SLC22A23: variants seen among roughly 807,000 people sequenced by gnomAD.
The protein encoded by SLC22A23 is solute carrier family 22 member 23.
A neutral mutation model predicts 61.0 loss-of-function variants in SLC22A23; 26 were observed. The observed-to-expected ratio is 0.43, with a 90% CI of 0.31 to 0.59. The LOEUF (loss-of-function observed/expected upper bound fraction) is 0.59, where lower values mean the gene tolerates loss of function less well. SLC22A23 is among the 20% of genes least tolerant of loss of function. The probability of loss-of-function intolerance (pLI) is 0.11; values close to 1 mark genes in which losing one functional copy is unlikely to be tolerated. For synonymous variants in SLC22A23, 430 were observed against 413.9 expected, an observed-to-expected ratio of 1.04 and a Z score of -0.47; for missense variants, 796 against 934.7, an observed-to-expected ratio of 0.85 and a Z score of 1.94.
At chr6:3,431,610 C>T (rs190987921) in intron 1 of SLC22A23, among the ~76,000 whole-genome samples, 1 of 152,252 alleles carries the variant, frequency 6.6e-6, no homozygotes, top group African/African-American at 2.4e-5. Flanking sequence ...AAATTAGCTG[C>T]CCAGATATTT....
intron 4 of SLC22A23, among the ~76,000 whole-genome samples, chr6:3,314,342 T>C (rs549441950): frequency 1.3e-5 from 2 of 152,328 alleles, no homozygotes; most frequent in East Asian, 1.9e-4. Context: ...ATGACTGGGC[T>C]GAGCAGGAGG....
chr6:3,428,376 A>G (rs1770643577), intron 1 of SLC22A23, among the ~76,000 whole-genome samples: 1 of 152,166 alleles, frequency 6.6e-6, no homozygotes, highest in Non-Finnish European at 1.5e-5. Flanking sequence ...AGTTGGAATT[A>G]CAGGACTTGG....
intron 2 of SLC22A23, among the ~76,000 whole-genome samples, chr6:3,415,108 C>T (rs998875942): frequency 3.3e-5 from 5 of 152,226 alleles, no homozygotes; most frequent in Admixed American, 2.6e-4. Context: ...AACTACTTAG[C>T]ACAGTGCCTG....
intron 9 of SLC22A23, 96 bp from the exon 10 acceptor site, chr6:3,273,508 G>C: frequency 7.6e-7 from 1 of 1,317,018 alleles, no homozygotes; most frequent in Non-Finnish European, 1.1e-6. Context: ...CTCTGCAGGG[G>C]CCCTGCTGCC....
intron 5 of SLC22A23, among the ~76,000 whole-genome samples, chr6:3,293,777 T>A (rs2127345430): frequency 6.6e-6 from 1 of 152,322 alleles, no homozygotes. Flanking sequence ...ATATCCACCC[T>A]CTCGTCATCT....
rs568016267 is a variant in SLC22A23, at chr6:3,280,427, G to A, written c.1703+3425C>T. On this transcript the variant is annotated intron_variant, in intron 9 of 9. Transcript: ENST00000406686. ...GCCACAGGCGCTGCCGGCATGGGAC[G>A]CATGCTGGCTTCCTGTCTGCTACTC... 2.0e-4 allele frequency among the ~76,000 whole-genome samples: 30 copies of A among 150,982 alleles called. No individual in the cohort carries two copies. The South Asian group carries it at 3.5e-3, about 18-fold the overall frequency.
At chr6:3,400,916 CA>C (rs910320078) in intron 3 of SLC22A23, among the ~76,000 whole-genome samples, 9 of 152,184 alleles carry the variant, frequency 5.9e-5, no homozygotes, top group Non-Finnish European at 1.0e-4. Flanking sequence ...TGACTTTAAG[CA>C]AAAATAGGCA....
At chr6:3,341,121 C>T (rs1308352776) in intron 3 of SLC22A23, among the ~76,000 whole-genome samples, 1 of 152,170 alleles carries the variant, frequency 6.6e-6, no homozygotes, top group African/African-American at 2.4e-5. Context: ...TATAGAGAAA[C>T]AATCCTCACA....
chr6:3,354,544 C>T lies in SLC22A23; in HGVS notation c.914-30542G>A, dbSNP rs141857291. ...CAAAGGCAAGGCAATGTCTTTCCAT[C>T]CTCAAGAGACCCAGCATCCAGCAGG... On this transcript the variant is annotated intron_variant, in intron 3 of 9. Coordinates refer to ENST00000406686, the MANE Select transcript of SLC22A23 (RefSeq NM_015482.2). Among the ~76,000 whole-genome samples, 451 of 152,318 alleles carry T rather than the reference C, an allele frequency of 3.0e-3. 7 individuals carry two copies. Among genetic ancestry groups the T allele is most frequent in the South Asian group, 8.7e-3 (42 of 4,830 alleles).
Position 3,339,176 on chromosome 6 carries a change from G to A in SLC22A23, c.914-15174C>T, listed in dbSNP as rs368034915. 3.3e-4 allele frequency among the ~76,000 whole-genome samples: 50 copies of A among 152,150 alleles called. 1 individual carries two copies. Among genetic ancestry groups the A allele is most frequent in the South Asian group, 1.7e-3 (8 of 4,830 alleles). ...TCAGCCTCCTACCAATCAGGATTTC[G>A]TATCCTTTAAAACTCCTCTTCCAAC... On this transcript the variant is annotated intron_variant, in intron 3 of 9. Transcript: ENST00000406686.
intron 9 of SLC22A23, among the ~76,000 whole-genome samples, chr6:3,277,725 C>T (rs777516732): frequency 6.6e-5 from 10 of 152,262 alleles, no homozygotes; most frequent in Non-Finnish European, 1.3e-4. Flanking sequence ...TGGGCATCTA[C>T]TCAGTGCTAT....
chr6:3,350,213 T>G (rs1447154838), intron 3 of SLC22A23, among the ~76,000 whole-genome samples: 1 of 152,180 alleles, frequency 6.6e-6, no homozygotes, highest in Non-Finnish European at 1.5e-5. Flanking sequence ...ACCCGATGGA[T>G]TCTATAACCC....
intron 4 of SLC22A23, among the ~76,000 whole-genome samples, chr6:3,298,698 C>T (rs567427294): frequency 5.3e-5 from 8 of 152,130 alleles, no homozygotes; most frequent in African/African-American, 2.4e-5. Context: ...CCCGGCCGGG[C>T]GCGGTGGCTC....
At chr6:3,439,719 A>C (rs1292204498) in intron 1 of SLC22A23, among the ~76,000 whole-genome samples, 1 of 152,134 alleles carries the variant, frequency 6.6e-6, no homozygotes, top group Non-Finnish European at 1.5e-5. Flanking sequence ...CCATGCAGGA[A>C]GTGTTTACAG....
rs189601777 is a variant in SLC22A23 at position 3,419,029 on chromosome 6, T to C, written c.655-3174A>G. 9.0e-4 allele frequency among the ~76,000 whole-genome samples: 137 copies of C among 152,348 alleles called. 1 individual carries two copies. The highest frequency in any genetic ancestry group is 3.2e-3 in the African/African-American group (134 of 41,580). On this transcript the variant is annotated intron_variant, in intron 1 of 9. Transcript: ENST00000406686. ...ACCTGGCTCTTGAAATTTGTTCACA[T>C]TGCTCTAGATAAGATATGGCAACTG...
rs2127272911 is a variant in SLC22A23 at position 3,270,566 on chromosome 6, G to A, written c.*2489C>T. On this transcript the variant is annotated 3_prime_UTR_variant, in exon 10 of 10. Transcript: ENST00000406686. ...TGTGGGACCGCCTCGCCGGCTGAGA[G>A]CCATTACCTGCCGACCGTCGGCAAG... 1 of 152,368 alleles carries A rather than the reference G, an allele frequency of 6.6e-6. No homozygotes were observed. Among genetic ancestry groups the A allele is most frequent in the Non-Finnish European group, 1.5e-5 (1 of 68,024 alleles). The allele number at this position is 152,368 out of a possible 1,614,324, so 9.4% of individuals were successfully genotyped here.
chr6:3,410,422 A>AGGC lies in SLC22A23; in HGVS notation c.759-83_759-81dup. On this transcript the variant is annotated intron_variant, in intron 2 of 9. Transcript: ENST00000406686. The surrounding 1 kb of genome is among the most constrained non-coding windows in gnomAD (Gnocchi z 5.0). The stretch of plus-strand genomic sequence containing the variant: ...TAGATGCTGAAACCCGGTGTCCAGC[A>AGGC]GGCACTCAATATATGTTGAATGAGT... 1 of 1,444,288 alleles carries AGGC rather than the reference A, an allele frequency of 6.9e-7. No homozygotes were observed. Among genetic ancestry groups the AGGC allele is most frequent in the Non-Finnish European group, 9.3e-7 (1 of 1,077,164 alleles). 89.5% of individuals were successfully genotyped at this position (1,444,288 alleles called of 1,614,324 possible). A position where few individuals can be genotyped will look rare whatever the true frequency, so the allele number is the denominator to read the frequency against.
chr6:3,349,448 G>GT (rs1351458115), intron 3 of SLC22A23, among the ~76,000 whole-genome samples: 2 of 152,172 alleles, frequency 1.3e-5, no homozygotes, highest in Admixed American at 1.3e-4. Flanking sequence ...GGCCCCTGGA[G>GT]TTTCTGGAAC....
chr6:3,287,005 G>C lies in SLC22A23; in HGVS notation c.1400C>G (p.Ala467Gly). The part of the protein sequence containing the change: ...VKVPLLENFY[A>G]DYYTTASIAL... ...GATGCTGGCCGTGGTATAGTAGTCA[G>C]CATAGAAGTTCTCCAGGAGCGGCAC... Residue 467 changes from alanine (A) to glycine (G), a missense_variant, in exon 7 of 10, where the codon GCT (alanine) becomes GGT (glycine). Physicochemically the swap from Ala to Gly is moderately conservative, Grantham distance 60 (BLOSUM62 0). Transcript: ENST00000406686. 6.2e-7 allele frequency: 1 copy of C among 1,614,230 alleles called. No individual in the cohort carries two copies. The highest frequency in any genetic ancestry group is 1.3e-5 in the African/African-American group (1 of 75,072).
Sources: gnomAD v4.1 joint callset for allele counts (sites outside exome capture counted in the v4.1 genomes callset) on GRCh38, gnomAD v4.1.1 for gene constraint, Gnocchi (gnomAD v3.1) non-coding constraint, MANE v1.5 for transcripts, NCBI Gene and HGNC (gene_info 2026-07-23, HGNC 2026-07-21) for gene names.